COL9A3: variants seen among roughly 807,000 people sequenced by gnomAD.
COL9A3 encodes collagen alpha-3(IX) chain.
COL9A3 carries 82 observed loss-of-function variants against 110.2 expected under a neutral mutation model. That is an observed-to-expected ratio of 0.74 (90% CI 0.62 to 0.89). The LOEUF is 0.89. Ranked by LOEUF, COL9A3 falls within the 40% of genes least tolerant of loss-of-function variation. COL9A3 has a pLI of 0.00. For synonymous variants in COL9A3, 494 were observed against 403.8 expected, an observed-to-expected ratio of 1.22 and a Z score of -2.68; for missense variants, 1,066 against 981.3, an observed-to-expected ratio of 1.09 and a Z score of -1.15.
rs2063550012 is a variant in COL9A3 at position 62,826,129 on chromosome 20, G to A, written c.685-75G>A. On this transcript the variant is annotated intron_variant, in intron 13 of 31. Coordinates refer to ENST00000649368, the MANE Select transcript of COL9A3 (RefSeq NM_001853.4). ...ACACCAGGGCTCCCAGGGGTACCCC[G>A]AGGGCCTTGGCCCTGGGTGCTCCCC... 1.3e-5 allele frequency: 19 copies of A among 1,461,422 alleles called. 1 individual carries two copies. The South Asian group carries it at 1.6e-4, about 12-fold the overall frequency. The allele number at this position is 1,461,422 out of a possible 1,614,324, so 90.5% of individuals were successfully genotyped here.
At chr20:62,832,706 T>TGGGTGGGGCCGTGGTCTGGCTGCCCCGCC in intron 25 of COL9A3, 1 of 361,688 alleles carries the variant, frequency 2.8e-6, no homozygotes, top group Non-Finnish European at 4.6e-6. Flanking sequence ...GTGCCTGCTC[T>TGGGTGGGGCCGTGGTCTGGCTGCCCCGCC]CACTTCTAGG....
At position 62,829,775 on chromosome 20, in the gene COL9A3, G is replaced by C; in HGVS notation, c.1117G>C (p.Gly373Arg). ...CTTCCTTTCCCTGTAGGGAGATGCT[G>C]GCATGCCTGGGGAGCGCGGTGAGGC... ...SGEPGVPGDA[G>R]MPGERGEAGH... The change falls in exon 22 of 32, where the codon GGC becomes CGC. Residue 373 changes from glycine (G) to arginine (R), a missense_variant. Coordinates refer to ENST00000649368, the MANE Select transcript of COL9A3 (RefSeq NM_001853.4). 1 of 1,590,612 alleles carries C rather than the reference G, an allele frequency of 6.3e-7. No homozygotes were observed. Among genetic ancestry groups the C allele is most frequent in the Non-Finnish European group, 8.6e-7 (1 of 1,168,988 alleles).
chr20:62,833,051 A>G lies in COL9A3; in HGVS notation c.1355A>G (p.Asp452Gly). ...GCAGGTTCCGACGGTCTTCCTGGGG[A>G]TAAAGGAGAACTGGTGAGTAATTAG... The part of the protein sequence containing the change: ...GIAGSDGLPG[D>G]KGELGPSGLV... The change falls in exon 26 of 32, where the codon GAT becomes GGT. Residue 452 changes from aspartate to glycine, a missense_variant. Asp to Gly is a moderately conservative substitution (Grantham distance 94). Coordinates refer to ENST00000649368, the MANE Select transcript of COL9A3 (RefSeq NM_001853.4). The G allele has an allele frequency of 2.5e-6, 4 of 1,613,596 alleles. No individual in the cohort carries two copies. The highest frequency in any genetic ancestry group is 3.4e-6 in the Non-Finnish European group (4 of 1,179,654).
At chr20:62,825,513 A>C in intron 12 of COL9A3, 1 of 528,302 alleles carries the variant, frequency 1.9e-6, no homozygotes, top group Non-Finnish European at 3.4e-6. Flanking sequence ...GAGTGATCAG[A>C]TGAGGAGACC....
At chr20:62,817,009 CCCCG>C, upstream of COL9A3, 3 of 1,088,796 alleles carry the variant, frequency 2.8e-6, no homozygotes, top group Non-Finnish European at 3.4e-6. Context: ...CCACCTCCCG[CCCCG>C]CCCGCCCGCG....
rs537532930 is a variant in COL9A3 at position 62,840,270 on chromosome 20, C to T, written c.1865-272C>T. The stretch of plus-strand genomic sequence containing the variant: ...CACTCCTTACTCACACAGCCCCCAC[C>T]AAACCCGCGTAAGTCAGAGTGCGGG... On this transcript the variant is annotated intron_variant, in intron 31 of 31. Transcript: ENST00000649368. 3.9e-5 allele frequency among the ~76,000 whole-genome samples: 6 copies of T among 152,198 alleles called. No homozygotes were observed. In the East Asian group the frequency reaches 9.7e-4, roughly 25 times the overall value.
intron 8 of COL9A3, 104 bp downstream of exon 8, chr20:62,821,914 C>T (rs962012812): frequency 7.6e-6 from 6 of 787,104 alleles, no homozygotes; most frequent in African/African-American, 3.4e-5. Flanking sequence ...TCCCTTTCTC[C>T]CCCAACCCCA....
At position 62,830,318 on chromosome 20, in the gene COL9A3, G is replaced by A. The variant is rs755748630; in HGVS notation, c.1162-42G>A. ...CCCTGGGGCCTCTTGGGGACTCCTC[G>A]AACCCTGAGACATCCGCTCACACCT... is the stretch of plus-strand genomic sequence containing the variant. On this transcript the variant is annotated intron_variant, in intron 22 of 31. Coordinates refer to ENST00000649368, the MANE Select transcript of COL9A3 (RefSeq NM_001853.4). The A allele has an allele frequency of 4.5e-6, 7 of 1,553,406 alleles. No individual in the cohort carries two copies. The South Asian group carries it at 5.9e-5, about 13-fold the overall frequency.
chr20:62,818,139 G>A (rs1013468847), intron 2 of COL9A3, among the ~76,000 whole-genome samples: 1 of 152,154 alleles, frequency 6.6e-6, no homozygotes, highest in Non-Finnish European at 1.5e-5. Flanking sequence ...CGGAGGGACC[G>A]TCTGGGGTGA....
At chr20:62,839,568 C>T (rs967980049) in intron 31 of COL9A3, among the ~76,000 whole-genome samples, 72 of 152,208 alleles carry the variant, frequency 4.7e-4, no homozygotes, top group South Asian at 2.1e-3. Flanking sequence ...AGAAGGCACC[C>T]GCTCCCACCT....
At chr20:62,836,790 T>A (rs1237169217) in intron 29 of COL9A3, 6 of 622,268 alleles carry the variant, frequency 9.6e-6, no homozygotes, top group Non-Finnish European at 1.7e-5. Context: ...GCCTGCTGAA[T>A]GCAATGGGTA....
chr20:62,821,010 G>A (rs1033402468), intron 5 of COL9A3, among the ~76,000 whole-genome samples, 171 bp from the exon 6 acceptor site: 12 of 152,198 alleles, frequency 7.9e-5, no homozygotes, highest in South Asian at 2.1e-4. Flanking sequence ...TCCCCAGGAC[G>A]GCAAAGACCC....
intron 19 of COL9A3, among the ~76,000 whole-genome samples, chr20:62,829,208 C>T (rs1600801490): frequency 6.6e-6 from 1 of 152,202 alleles, no homozygotes. Flanking sequence ...CATGTGTGAA[C>T]ATGTTGATGG....
chr20:62,817,210 C>A, intron 1 of COL9A3, 68 bp downstream of exon 1: 1 of 1,146,636 alleles, frequency 8.7e-7, no homozygotes. Context: ...GAACCCGCCA[C>A]TCCGGGGTGC....
Position 62,827,910 on chromosome 20 carries a change from G to C in COL9A3, c.847-13G>C, listed in dbSNP as rs2063566825. The C allele has an allele frequency of 6.2e-7, 1 of 1,612,894 alleles. No homozygotes were observed. The highest frequency in any genetic ancestry group is 8.5e-7 in the Non-Finnish European group (1 of 1,179,948). On this transcript the variant is annotated splice_polypyrimidine_tract_variant and intron_variant, in intron 16 of 31. Transcript: ENST00000649368. ...GAGACTGCCACTGCTTCTGTCACTT[G>C]TGTGTCCTCTAGGGCAGACCTGGTC...
rs370095922 is a variant in COL9A3 at position 62,827,958 on chromosome 20, C to T, written c.882C>T (p.Ala294=). The stretch of plus-strand genomic sequence containing the variant: ...GTCCCAAGGGAACCCCCGGAGTGGC[C>T]GGGCCAAGCGGAGAGCCGGTGAGTG... ...RPGPKGTPGV[A]GPSGEPGMPG... is the part of the protein sequence containing the mutation. The change falls in exon 17 of 32, where the codon GCC becomes GCT. Residue 294 remains alanine (A), a synonymous_variant. Coordinates refer to ENST00000649368, the MANE Select transcript of COL9A3 (RefSeq NM_001853.4). 1.7e-5 allele frequency: 28 copies of T among 1,612,770 alleles called. No individual in the cohort carries two copies. The highest frequency in any genetic ancestry group is 1.7e-4 in the Admixed American group (10 of 59,996).
chr20:62,829,936 A>C, intron 22 of COL9A3, 117 bp downstream of exon 22: 3 of 1,328,698 alleles, frequency 2.3e-6, no homozygotes, highest in South Asian at 2.7e-5. Flanking sequence ...AGGCCCACAA[A>C]AGCCTAGGAT....
At chr20:62,822,971 A>C (rs981299709) in intron 10 of COL9A3, among the ~76,000 whole-genome samples, 5 of 152,268 alleles carry the variant, frequency 3.3e-5, no homozygotes, top group African/African-American at 9.6e-5. Flanking sequence ...CCTTGGCCAC[A>C]GATGGCGACA....
chr20:62,816,256 C>T (rs1990900305), upstream of COL9A3: 2 of 152,298 alleles, frequency 1.3e-5, no homozygotes, highest in South Asian at 4.1e-4. Context: ...TGAGGCAGAG[C>T]TTGGCCGGAC....
Sources: gnomAD v4.1 joint callset for allele counts (sites outside exome capture counted in the v4.1 genomes callset) on GRCh38, gnomAD v4.1.1 for gene constraint, MANE v1.5 for transcripts, NCBI Gene and HGNC (gene_info 2026-07-23, HGNC 2026-07-21) for gene names.